TLN2: variants seen among roughly 807,000 people sequenced by gnomAD.
TLN2 encodes talin-2.
In TLN2, 118 loss-of-function variants were observed where a neutral mutation model predicts 294.7. That is an observed-to-expected ratio of 0.40 (90% CI 0.34 to 0.47). TLN2 has a LOEUF of 0.47. TLN2 is among the 20% of genes least tolerant of loss of function. The pLI is 0.84. For missense variants in TLN2, 3,083 were observed against 3,282.2 expected (o/e 0.94, Z 1.48); for synonymous variants, 1,431 against 1,304.5 (o/e 1.10, Z -2.09).
At chr15:62,839,919 G>A (rs2070408818) in intron 58 of TLN2, among the ~76,000 whole-genome samples, 1 of 152,220 alleles carries the variant, frequency 6.6e-6, no homozygotes, top group African/African-American at 2.4e-5. Flanking sequence ...GAAAGGAACT[G>A]ACTTTGCTTT....
At chr15:62,696,134 A>C (rs1313909561) in intron 14 of TLN2, among the ~76,000 whole-genome samples, 1 of 152,006 alleles carries the variant, frequency 6.6e-6, no homozygotes, top group Non-Finnish European at 1.5e-5. Flanking sequence ...CCACCCCTAG[A>C]CTGCAGTGTT....
chr15:62,426,559 A>G (rs78642709), intron 1 of TLN2, among the ~76,000 whole-genome samples: 34 of 152,312 alleles, frequency 2.2e-4, no homozygotes, highest in Non-Finnish European at 4.4e-4. Context: ...CAGCTGGCGA[A>G]TTCTTTGTAT....
At chr15:62,681,609 C>T (rs2056835206) in intron 11 of TLN2, among the ~76,000 whole-genome samples, 2 of 152,076 alleles carry the variant, frequency 1.3e-5, no homozygotes, top group African/African-American at 4.8e-5. Flanking sequence ...TAATTTACAC[C>T]TGTGTGAGGA....
At chr15:62,768,577 G>A (rs1440278475) in intron 41 of TLN2, among the ~76,000 whole-genome samples, 2 of 152,086 alleles carry the variant, frequency 1.3e-5, no homozygotes, top group Non-Finnish European at 2.9e-5. Context: ...TCTTTTGAGG[G>A]GCCACCATTC....
chr15:62,489,266 CA>C (rs1381439786), intron 1 of TLN2, among the ~76,000 whole-genome samples: 1 of 152,182 alleles, frequency 6.6e-6, no homozygotes, highest in Non-Finnish European at 1.5e-5. Flanking sequence ...TTTTCTAAAA[CA>C]GTCCTTTGGT....
At chr15:62,478,189 T>C (rs2037888778) in intron 1 of TLN2, among the ~76,000 whole-genome samples, 1 of 152,108 alleles carries the variant, frequency 6.6e-6, no homozygotes, top group Admixed American at 6.6e-5. Context: ...ACTCACCCAG[T>C]GGGTCACACA....
chr15:62,739,319 T>C, intron 30 of TLN2, 29 bp from the exon 31 acceptor site: 1 of 1,602,480 alleles, frequency 6.2e-7, no homozygotes, highest in Admixed American at 1.7e-5. Context: ...GCAGAATGTC[T>C]CATGGGGTGT....
intron 2 of TLN2, among the ~76,000 whole-genome samples, chr15:62,601,138 CAG>C (rs1282148437): frequency 6.6e-6 from 1 of 152,158 alleles, no homozygotes; most frequent in Admixed American, 6.5e-5. Flanking sequence ...GATTCTCAAA[CAG>C]GGATAATTTT....
At chr15:62,493,863 G>A (rs1009361234) in intron 1 of TLN2, among the ~76,000 whole-genome samples, 3 of 151,852 alleles carry the variant, frequency 2.0e-5, no homozygotes, top group Non-Finnish European at 4.4e-5. Context: ...CACCCACCTC[G>A]GCCTCCCAAA....
intron 26 of TLN2, among the ~76,000 whole-genome samples, chr15:62,723,031 G>T (rs2060240403): frequency 6.6e-6 from 1 of 152,170 alleles, no homozygotes; most frequent in Admixed American, 6.5e-5. Flanking sequence ...TCTGTCTCTG[G>T]AGCATATTAA....
At chr15:62,766,902 T>C (rs1022759956) in intron 41 of TLN2, among the ~76,000 whole-genome samples, 5 of 152,190 alleles carry the variant, frequency 3.3e-5, no homozygotes, top group Admixed American at 2.6e-4. Context: ...AAACCCTCCC[T>C]AGGTGTCCAC....
intron 21 of TLN2, 105 bp from the exon 22 acceptor site, chr15:62,711,806 C>T: frequency 2.3e-6 from 3 of 1,320,648 alleles, no homozygotes; most frequent in South Asian, 3.5e-5. Context: ...AGTTTTTTTG[C>T]TCCTGCTTAC....
chr15:62,731,018 G>A (rs565018882), intron 28 of TLN2, among the ~76,000 whole-genome samples: 32 of 151,892 alleles, frequency 2.1e-4, no homozygotes, highest in African/African-American at 7.3e-4. Context: ...CTCAGTATCC[G>A]CTTTTGATCT....
chr15:62,459,213 G>T (rs1387132877), intron 1 of TLN2, among the ~76,000 whole-genome samples: 2 of 151,728 alleles, frequency 1.3e-5, no homozygotes, highest in Non-Finnish European at 2.9e-5. Context: ...TGTTGGCCAG[G>T]GTGGTCTCGA....
At chr15:62,425,480 T>C (rs1314525420) in intron 1 of TLN2, among the ~76,000 whole-genome samples, 1 of 152,212 alleles carries the variant, frequency 6.6e-6, no homozygotes, top group Non-Finnish European at 1.5e-5. Flanking sequence ...TGGGATCCTG[T>C]CATAAGACAA....
intron 1 of TLN2, among the ~76,000 whole-genome samples, chr15:62,458,299 C>A (rs904320402): frequency 6.6e-6 from 1 of 152,094 alleles, no homozygotes; most frequent in Non-Finnish European, 1.5e-5. Flanking sequence ...CCCTGCTGCC[C>A]GCCGCCTCTC....
chr15:62,621,695 A>G (rs188480758), intron 3 of TLN2, among the ~76,000 whole-genome samples: 1 of 152,292 alleles, frequency 6.6e-6, no homozygotes, highest in African/African-American at 2.4e-5. Context: ...ATTTGCCTAG[A>G]TTTCTTGGAA....
At chr15:62,755,236 C>A in intron 36 of TLN2, 1 of 293,442 alleles carries the variant, frequency 3.4e-6, no homozygotes, top group Non-Finnish European at 6.3e-6. Context: ...CCTGGACCTC[C>A]TATCTGGGGT....
chr15:62,606,041 A>G, intron 2 of TLN2, among the ~76,000 whole-genome samples: 1 of 152,180 alleles, frequency 6.6e-6, no homozygotes, highest in Non-Finnish European at 1.5e-5. Context: ...GTGATGACTG[A>G]TAGAACTTAA....
Sources: gnomAD v4.1 joint callset for allele counts (sites outside exome capture counted in the v4.1 genomes callset) on GRCh38, gnomAD v4.1.1 for gene constraint, MANE v1.5 for transcripts, NCBI Gene and HGNC (gene_info 2026-07-23, HGNC 2026-07-21) for gene names.